The following EXOC4 variants were observed in gnomAD, a reference collection of about 807,000 sequenced individuals.
EXOC4 encodes the protein SEC8-like 1.
Under a neutral mutation model 107.2 loss-of-function variants are expected in EXOC4, and 71 were observed. The observed-to-expected ratio is 0.66, with a 90% confidence interval of 0.55 to 0.81. EXOC4 has a LOEUF of 0.81. Ranked by LOEUF, EXOC4 falls within the 30% of genes least tolerant of loss-of-function variation. EXOC4 has a pLI of 0.00. For synonymous variants in EXOC4, 456 were observed against 441.2 expected (o/e 1.03, Z -0.42); for missense variants, 1,108 against 1,189.6 (o/e 0.93, Z 1.01).
intron 7 of EXOC4, among the ~76,000 whole-genome samples, chr7:133,454,801 C>G (rs1798426043): frequency 2.6e-5 from 4 of 152,100 alleles, no homozygotes; most frequent in Admixed American, 2.6e-4. Flanking sequence ...ACTCTATATA[C>G]TATGATTAAG....
At chr7:133,858,796 AT>A (rs1050709849) in intron 11 of EXOC4, among the ~76,000 whole-genome samples, 1 of 152,122 alleles carries the variant, frequency 6.6e-6, no homozygotes, top group Non-Finnish European at 1.5e-5. Context: ...GAATTAAATT[AT>A]TTTCAAATTA....
At chr7:133,835,337 G>A (rs1318224214) in intron 11 of EXOC4, among the ~76,000 whole-genome samples, 2 of 152,182 alleles carry the variant, frequency 1.3e-5, no homozygotes, top group African/African-American at 4.8e-5. Context: ...TGGTCGGGGT[G>A]CAGCCTTGTT....
intron 11 of EXOC4, among the ~76,000 whole-genome samples, chr7:133,829,520 C>A (rs1482605201): frequency 6.6e-6 from 1 of 152,198 alleles, no homozygotes; most frequent in African/African-American, 2.4e-5. Flanking sequence ...GCCTGAGATT[C>A]AGTGAGCCAC....
intron 11 of EXOC4, among the ~76,000 whole-genome samples, chr7:133,849,546 T>C (rs1002330876): frequency 6.6e-6 from 1 of 152,186 alleles, no homozygotes; most frequent in African/African-American, 2.4e-5. Context: ...TTTACATAGG[T>C]TTTAATGATG....
chr7:133,920,890 T>C (rs146404876), intron 13 of EXOC4, among the ~76,000 whole-genome samples: 3 of 152,328 alleles, frequency 2.0e-5, no homozygotes, highest in Admixed American at 2.0e-4. Context: ...AAAGTGTTTA[T>C]TTTTTCTTCA....
At chr7:133,551,064 A>G (rs1369032121) in intron 9 of EXOC4, among the ~76,000 whole-genome samples, 1 of 152,122 alleles carries the variant, frequency 6.6e-6, no homozygotes, top group Non-Finnish European at 1.5e-5. Flanking sequence ...ACTTGCCTAC[A>G]TAGCTCCCAC....
chr7:133,784,072 AATT>A (rs1796519565), intron 10 of EXOC4, among the ~76,000 whole-genome samples: 1 of 152,190 alleles, frequency 6.6e-6, no homozygotes, highest in Non-Finnish European at 1.5e-5. Flanking sequence ...TAATATTACT[AATT>A]ATGTTAATAA....
At chr7:134,099,382 A>G in the EXOC4 span, among the ~76,000 whole-genome samples, 2 of 152,062 alleles carry the variant, frequency 1.3e-5, no homozygotes, top group African/African-American at 2.4e-5. Flanking sequence ...GAAGACCGTC[A>G]TGTGACAGCT....
intron 10 of EXOC4, among the ~76,000 whole-genome samples, chr7:133,792,118 A>G (rs1408779603): frequency 1.3e-5 from 2 of 152,136 alleles, no homozygotes; most frequent in Non-Finnish European, 2.9e-5. Context: ...CGGGCAGTTC[A>G]CAGACCCCAT....
chr7:133,784,496 T>C (rs1482927718), intron 10 of EXOC4, among the ~76,000 whole-genome samples: 1 of 152,136 alleles, frequency 6.6e-6, no homozygotes, highest in East Asian at 1.9e-4. Context: ...TCTTCCTCTC[T>C]GGGGTCCGTT....
intron 9 of EXOC4, among the ~76,000 whole-genome samples, chr7:133,497,779 G>A (rs567994251): frequency 4.6e-5 from 7 of 152,182 alleles, no homozygotes; most frequent in African/African-American, 9.6e-5. Context: ...GGTCTCCCGC[G>A]TGACAGGCAG....
At chr7:133,829,563 TC>T (rs1331808124) in intron 11 of EXOC4, among the ~76,000 whole-genome samples, 2 of 152,218 alleles carry the variant, frequency 1.3e-5, no homozygotes, top group Non-Finnish European at 2.9e-5. Context: ...TTGTCATCAG[TC>T]TTTTGAATTA....
chr7:133,504,697 A>C (rs1171979818), intron 9 of EXOC4, among the ~76,000 whole-genome samples: 2 of 152,068 alleles, frequency 1.3e-5, no homozygotes, highest in Non-Finnish European at 2.9e-5. Context: ...TGATCGACTA[A>C]TGTATGTTTA....
intron 1 of EXOC4, among the ~76,000 whole-genome samples, chr7:133,261,012 A>G (rs1795139058): frequency 6.6e-6 from 1 of 152,078 alleles, no homozygotes; most frequent in South Asian, 2.1e-4. Context: ...ATCCTATCTA[A>G]TATTATTTTT....
chr7:133,609,169 A>G (rs548032351), intron 9 of EXOC4, among the ~76,000 whole-genome samples: 1 of 152,162 alleles, frequency 6.6e-6, no homozygotes, highest in African/African-American at 2.4e-5. Flanking sequence ...AACTGTAATT[A>G]TACATTTTGC....
chr7:133,566,087 ACTAAGTGTATTGGC>A (rs1429428417), intron 9 of EXOC4, among the ~76,000 whole-genome samples: 1 of 152,202 alleles, frequency 6.6e-6, no homozygotes, highest in East Asian at 1.9e-4. Flanking sequence ...AAGGTATGTA[ACTAAGTGTATTGGC>A]CTATATGAAA....
chr7:133,357,645 G>GT (rs1479572255), intron 6 of EXOC4, among the ~76,000 whole-genome samples: 2 of 151,984 alleles, frequency 1.3e-5, no homozygotes, highest in East Asian at 1.9e-4. Flanking sequence ...AGGGCTCAAA[G>GT]TTTTTTTAAA....
intron 10 of EXOC4, among the ~76,000 whole-genome samples, chr7:133,761,740 A>G (rs1045124973): frequency 6.6e-6 from 1 of 152,176 alleles, no homozygotes; most frequent in Non-Finnish European, 1.5e-5. Context: ...TTATAAGTGA[A>G]TTATCTTTAT....
At chr7:134,076,958 ATG>A in the EXOC4 span, among the ~76,000 whole-genome samples, 316 of 148,712 alleles carry the variant, frequency 2.1e-3, no homozygotes, top group Middle Eastern at 0.01. Flanking sequence ...GGATCTGCAT[ATG>A]TGTGTGTGTG....
Sources: allele counts gnomAD v4.1 joint callset (sites outside exome capture counted in the v4.1 genomes callset), GRCh38; gene constraint gnomAD v4.1.1; transcripts MANE v1.5; gene names NCBI Gene and HGNC (gene_info 2026-07-23, HGNC 2026-07-21).